The following BRAT1 variants were observed in gnomAD, a reference collection of about 807,000 sequenced individuals.
The protein encoded by BRAT1 is BRCA1 associated ATM activator 1, also known as integrator complex assembly factor BRAT1.
BRAT1 carries 74 observed loss-of-function variants against 70.6 expected under a neutral mutation model. The observed-to-expected ratio is 1.05, with a 90% CI of 0.87 to 1.27. BRAT1 has a LOEUF of 1.27. Among genes scored for constraint, BRAT1 ranks in the 50% most tolerant of loss-of-function variants. The probability of loss-of-function intolerance (pLI) is 0.00; values close to 1 mark genes in which losing one functional copy is unlikely to be tolerated. For synonymous variants in BRAT1, 615 were observed against 517.1 expected (o/e 1.19, Z -2.57); for missense variants, 1,203 against 1,098.2 (o/e 1.10, Z -1.35).
intron 1 of BRAT1, among the ~76,000 whole-genome samples, chr7:2,554,927 AG>A (rs946111267): frequency 1.3e-5 from 2 of 152,026 alleles, no homozygotes; most frequent in Admixed American, 1.3e-4. Flanking sequence ...TGAAGCCAGC[AG>A]GGGGGTGCGG....
In BRAT1 at chr7:2,545,011, C is replaced by T. The variant is rs751198409; in HGVS notation, c.328G>A (p.Gly110Ser). The change falls in exon 4 of 14, where the codon GGC (glycine) becomes AGC (serine). Residue 110 changes from glycine (G) to serine (S), a missense_variant. Transcript: ENST00000340611. Reference protein sequence around the residue: ...PGLFGEPGPLGRATWAVPTVR... With the variant: ...PGLFGEPGPLSRATWAVPTVR... ...GTGGGGACGGCCCAGGTTGCTCGGC[C>T]GAGGGGTCCTGGCTCCCCAAAGAGC... 129 of 1,545,572 alleles carry T rather than the reference C, an allele frequency of 8.3e-5. No individual in the cohort carries two copies. The highest frequency in any genetic ancestry group is 6.9e-4 in the South Asian group (57 of 82,658).
intron 3 of BRAT1, among the ~76,000 whole-genome samples, 200 bp downstream of exon 3, chr7:2,547,124 G>GC (rs1779672597): frequency 6.6e-6 from 1 of 152,170 alleles, no homozygotes; most frequent in African/African-American, 2.4e-5. Flanking sequence ...CAACTCCTTA[G>GC]CCCCAGCATC....
rs1064796877 is a variant in BRAT1 at position 2,538,765 on chromosome 7, C to T, written c.1771-1G>A. ...TGTGCAGGAGCTCCAGGAACAGGCT[C>T]TGGGGGACAGGGAGCAAGTGCGGAT... On this transcript the variant is annotated splice_acceptor_variant, in intron 13 of 13. Transcript: ENST00000340611. LOFTEE classifies it high-confidence loss of function. 5.0e-6 allele frequency: 8 copies of T among 1,598,116 alleles called. No individual in the cohort carries two copies. Among genetic ancestry groups the T allele is most frequent in the Admixed American group, 3.3e-5 (2 of 59,992 alleles).
At position 2,547,488 on chromosome 7, in the gene BRAT1, T is replaced by C. The variant is rs2164688; in HGVS notation, c.128-10A>G. ...AGCACGACACTGGACTCTGTGGGGATGGCCCAGCCCAGGGGTCACCAGGGG... is the reference window on the plus strand; with the variant it reads ...AGCACGACACTGGACTCTGTGGGGACGGCCCAGCCCAGGGGTCACCAGGGG... On this transcript the variant is annotated splice_polypyrimidine_tract_variant and intron_variant, in intron 2 of 13. Transcript: ENST00000340611. The C allele has an allele frequency of 0.36, 588,673 of 1,612,868 alleles. 112,801 individuals are homozygous for C. Among genetic ancestry groups the C allele is most frequent in the African/African-American group, 0.68 (50,782 of 74,944 alleles).
At chr7:2,548,757 T>G (rs529432018) in intron 2 of BRAT1, among the ~76,000 whole-genome samples, 156 of 151,276 alleles carry the variant, frequency 1.0e-3, no homozygotes, top group Non-Finnish European at 1.5e-3. Flanking sequence ...GGTCAGGAGA[T>G]TGAGACCATC....
chr7:2,539,593 C>T lies in BRAT1; in HGVS notation c.1548G>A (p.Val516=). ...TCAGGAACTCGAGGGCGGAGTCCCT[C>T]ACCTCCCAGCAGGGGTGGCACAGGC... ...QKRLCHPCWE[V]RDSALEFLTQ... The change falls in exon 12 of 14, where the codon GTG becomes GTA. Residue 516 remains valine (V), a synonymous_variant. Transcript: ENST00000340611. The T allele has an allele frequency of 6.3e-7, 1 of 1,590,038 alleles. No individual in the cohort carries two copies. The highest frequency in any genetic ancestry group is 8.6e-7 in the Non-Finnish European group (1 of 1,167,646).
rs757972461 is a variant in BRAT1, at chr7:2,538,294, G to C, written c.2241C>G (p.Ser747=). The change falls in exon 14 of 14, where the codon TCC becomes TCG. Residue 747 remains serine, a synonymous_variant. Coordinates refer to ENST00000340611, the MANE Select transcript of BRAT1 (RefSeq NM_152743.4). ...GCCACCTCGGCAGGGTGGCCTCTGC[G>C]GAGGCAGTGTTGGGGCTGCCCCTGG... ...REARGSPNTA[S]AEATLPRWRA... is the part of the protein sequence containing the mutation. 4 of 1,612,670 alleles carry C rather than the reference G, an allele frequency of 2.5e-6. No individual in the cohort carries two copies. The African/African-American group carries it at 4.0e-5, about 16-fold the overall frequency.
At chr7:2,542,323 C>A in intron 6 of BRAT1, 112 bp from the exon 7 acceptor site, 2 of 877,206 alleles carry the variant, frequency 2.3e-6, no homozygotes, top group Admixed American at 4.5e-5. Context: ...TGGGACACCC[C>A]CCGAGAAACA....
chr7:2,551,995 CA>C (rs1780038507), intron 2 of BRAT1, among the ~76,000 whole-genome samples: 1 of 136,030 alleles, frequency 7.4e-6, no homozygotes, highest in Non-Finnish European at 1.6e-5. Context: ...ATAAAATACT[CA>C]GAACTAAATT....
At chr7:2,544,091 CAAAAG>C in intron 4 of BRAT1, 129 bp from the exon 5 acceptor site, 1 of 737,870 alleles carries the variant, frequency 1.4e-6, no homozygotes, top group South Asian at 2.8e-5. Context: ...CCTCTCCACT[CAAAAG>C]CAAAAAAGAA....
At chr7:2,551,918 A>G (rs984719497) in intron 2 of BRAT1, among the ~76,000 whole-genome samples, 2 of 150,142 alleles carry the variant, frequency 1.3e-5, no homozygotes, top group Non-Finnish European at 1.5e-5. Flanking sequence ...GGAAAAATCC[A>G]TATTTTGAAA....
At position 2,539,372 on chromosome 7, in the gene BRAT1, A is replaced by G. The variant is rs1173087864; in HGVS notation, c.1598-21T>C. ...CTGTCCTGGGGGTCGAAACGGCCAC[A>G]TGCAGCTGTGACTGAGGGCCGAGCC... is the stretch of plus-strand genomic sequence containing the variant. On this transcript the variant is annotated intron_variant, in intron 12 of 13. Coordinates refer to ENST00000340611, the MANE Select transcript of BRAT1 (RefSeq NM_152743.4). 4 of 1,590,112 alleles carry G rather than the reference A, an allele frequency of 2.5e-6. No individual in the cohort carries two copies. In the African/African-American group the frequency reaches 5.4e-5, roughly 21 times the overall value.
At chr7:2,540,722 C>A in intron 10 of BRAT1, 1 of 410,474 alleles carries the variant, frequency 2.4e-6, no homozygotes. Context: ...GTCCAGAATT[C>A]CCCGCAGGCC....
intron 2 of BRAT1, among the ~76,000 whole-genome samples, chr7:2,548,242 C>T (rs149946270): frequency 1.3e-3 from 204 of 152,236 alleles, no homozygotes; most frequent in African/African-American, 4.5e-3. Flanking sequence ...GCTATGCTAT[C>T]GCTCAAAAGC....
Position 2,544,926 on chromosome 7 carries a change from C to CA in BRAT1, c.412_413insT (p.Arg138LeufsTer53). The CA allele has an allele frequency of 6.4e-7, 1 of 1,551,672 alleles. No homozygotes were observed. The highest frequency in any genetic ancestry group is 8.7e-7 in the Non-Finnish European group (1 of 1,147,704). On this transcript the variant is annotated frameshift_variant, in exon 4 of 14. Transcript: ENST00000340611. LOFTEE classifies it high-confidence loss of function. ...GCACTCACCATGGTCGGCCAGGAAG[C>CA]GCAGGGCGCTGGGGTGCTGTGCCAG...
chr7:2,545,363 C>CAAAAAAAAAAAAAAAAA (rs1185029266), intron 3 of BRAT1, among the ~76,000 whole-genome samples: 10 of 25,132 alleles, frequency 4.0e-4, no homozygotes, highest in Non-Finnish European at 6.4e-4. Flanking sequence ...GACTCCATCT[C>CAAAAAAAAAAAAAAAAA]AAAAAAAAAA....
intron 2 of BRAT1, among the ~76,000 whole-genome samples, chr7:2,548,332 T>G (rs1479233681): frequency 6.6e-6 from 1 of 151,896 alleles, no homozygotes; most frequent in Non-Finnish European, 1.5e-5. Flanking sequence ...AGAATGTGGT[T>G]CAGTAAGGAG....
In BRAT1 at chr7:2,543,595, C is replaced by A. The variant is rs1358009007; in HGVS notation, c.798G>T (p.Val266=). 7 of 1,514,052 alleles carry A rather than the reference C, an allele frequency of 4.6e-6. No individual in the cohort carries two copies. Among genetic ancestry groups the A allele is most frequent in the Non-Finnish European group, 1.8e-6 (2 of 1,129,428 alleles). 93.8% of individuals were successfully genotyped at this position (1,514,052 alleles called of 1,614,324 possible). Residue 266 remains valine, a synonymous_variant, in exon 5 of 14, where the codon GTG becomes GTT. Coordinates refer to ENST00000340611, the MANE Select transcript of BRAT1 (RefSeq NM_152743.4). This position sits in a 1 kb window ranked among gnomAD's most constrained non-coding sequence, Gnocchi z 5.5. The stretch of plus-strand genomic sequence containing the variant: ...CTGCGTCCCGGGGCCCTGACCGAGC[C>A]ACACAGAGAAGCAGGTCCACGAACG... ...AHSFVDLLLC[V]ARSPVFSSSD...
intron 3 of BRAT1, 94 bp downstream of exon 3, chr7:2,547,230 G>C: frequency 6.7e-7 from 1 of 1,497,842 alleles, no homozygotes; most frequent in Non-Finnish European, 9.2e-7. Flanking sequence ...CTGGGACTTG[G>C]GATGGTGATG....
Sources: allele counts gnomAD v4.1 joint callset (sites outside exome capture counted in the v4.1 genomes callset), GRCh38; gene constraint gnomAD v4.1.1; non-coding constraint Gnocchi (gnomAD v3.1); transcripts MANE v1.5; gene names NCBI Gene and HGNC (gene_info 2026-07-23, HGNC 2026-07-21).